The following TMEM132C variants were observed in gnomAD, a reference collection of about 807,000 sequenced individuals.
The protein encoded by TMEM132C is transmembrane protein 132C, also known as protein phosphatase 1, regulatory subunit 152.
Under a neutral mutation model 61.4 loss-of-function variants are expected in TMEM132C, and 29 were observed. The ratio of observed to expected loss-of-function variants is 0.47; its 90% CI spans 0.35 to 0.64. TMEM132C has a LOEUF of 0.64. Ranked by LOEUF, TMEM132C falls within the 30% of genes least tolerant of loss-of-function variation. The pLI is 0.00. For synonymous variants in TMEM132C, 656 were observed against 633.1 expected, an observed-to-expected ratio of 1.04 and a Z score of -0.54; for missense variants, 1,408 against 1,476.9, an observed-to-expected ratio of 0.95 and a Z score of 0.76.
intron 3 of TMEM132C, among the ~76,000 whole-genome samples, chr12:128,561,358 T>C (rs1037251976): frequency 6.6e-6 from 1 of 152,204 alleles, no homozygotes; most frequent in African/African-American, 2.4e-5. Flanking sequence ...ATCAGAGACT[T>C]GCAGGGAGCA....
At chr12:128,537,567 G>A (rs1873577554) in intron 2 of TMEM132C, among the ~76,000 whole-genome samples, 1 of 152,168 alleles carries the variant, frequency 6.6e-6, no homozygotes, top group Admixed American at 6.6e-5. Flanking sequence ...GAGTTTATTG[G>A]CAGAAACCTG....
At chr12:128,651,987 A>G (rs1954275579) in intron 4 of TMEM132C, among the ~76,000 whole-genome samples, 1 of 152,130 alleles carries the variant, frequency 6.6e-6, no homozygotes, top group Non-Finnish European at 1.5e-5. Context: ...AAGGGTTTTT[A>G]ACTCTATTTT....
intron 1 of TMEM132C, among the ~76,000 whole-genome samples, chr12:128,285,449 A>G (rs1407980844): frequency 6.6e-6 from 1 of 152,218 alleles, no homozygotes; most frequent in East Asian, 1.9e-4. Flanking sequence ...AAAAGATTAA[A>G]GAGCTTAATG....
At chr12:128,443,414 A>G (rs1307618552) in intron 2 of TMEM132C, among the ~76,000 whole-genome samples, 2 of 152,228 alleles carry the variant, frequency 1.3e-5, no homozygotes, top group Admixed American at 6.5e-5. Flanking sequence ...CCCAAAAGCT[A>G]CAGAAATAAA....
intron 2 of TMEM132C, among the ~76,000 whole-genome samples, chr12:128,458,491 A>C (rs1870423510): frequency 6.6e-6 from 1 of 151,866 alleles, no homozygotes; most frequent in Admixed American, 6.6e-5. Flanking sequence ...GGTGCTGGGG[A>C]CGCAGGATTC....
At position 128,388,878 on chromosome 12, in the gene TMEM132C, G is replaced by A. The variant is rs192510946; in HGVS notation, c.86-25854G>A. On this transcript the variant is annotated intron_variant, in intron 1 of 8. Coordinates refer to ENST00000435159, the MANE Select transcript of TMEM132C (RefSeq NM_001136103.3). ...TCTTAACAGAGTGTTGGTTTCACAC[G>A]TAGCTTGAGGAAAACAGTGGCAGCT... is the stretch of plus-strand genomic sequence containing the variant. 3.0e-3 allele frequency among the ~76,000 whole-genome samples: 454 copies of A among 152,326 alleles called. 2 individuals are homozygous for A. The highest frequency in any genetic ancestry group is 0.01 in the African/African-American group (436 of 41,580).
intron 1 of TMEM132C, among the ~76,000 whole-genome samples, chr12:128,306,703 C>A (rs1871796762): frequency 6.6e-6 from 1 of 152,098 alleles, no homozygotes; most frequent in Admixed American, 6.5e-5. Context: ...AAGGAAGAGA[C>A]CTTTGTCCAC....
At chr12:128,583,923 G>A (rs1875443342) in intron 3 of TMEM132C, among the ~76,000 whole-genome samples, 1 of 152,206 alleles carries the variant, frequency 6.6e-6, no homozygotes, top group South Asian at 2.1e-4. Context: ...GGCTCTGTGG[G>A]GCTCTTGGAG....
At chr12:128,640,945 A>G (rs1443698896) in intron 4 of TMEM132C, among the ~76,000 whole-genome samples, 1 of 152,204 alleles carries the variant, frequency 6.6e-6, no homozygotes, top group African/African-American at 2.4e-5. Context: ...TTGTATCTCA[A>G]TAAAACTGTT....
intron 1 of TMEM132C, among the ~76,000 whole-genome samples, chr12:128,387,710 C>T (rs1036805218): frequency 6.6e-6 from 1 of 151,904 alleles, no homozygotes; most frequent in Non-Finnish European, 1.5e-5. Context: ...CTGTGGAGGC[C>T]GAGGCAGGAG....
chr12:128,615,695 C>T (rs535633951), intron 3 of TMEM132C, among the ~76,000 whole-genome samples: 2 of 152,220 alleles, frequency 1.3e-5, no homozygotes, highest in South Asian at 2.1e-4. Context: ...CTCACTTACC[C>T]GCCACTCACC....
chr12:128,585,567 G>T (rs1243152086), intron 3 of TMEM132C, among the ~76,000 whole-genome samples: 2 of 152,258 alleles, frequency 1.3e-5, no homozygotes, highest in African/African-American at 4.8e-5. Flanking sequence ...GGAATGGTCA[G>T]ATAAGTTCTG....
At chr12:128,348,456 C>T (rs1873240203) in intron 1 of TMEM132C, among the ~76,000 whole-genome samples, 1 of 152,160 alleles carries the variant, frequency 6.6e-6, no homozygotes, top group African/African-American at 2.4e-5. Flanking sequence ...CTAGAAACTC[C>T]AGTACAACAT....
At chr12:128,686,799 T>C (rs1450078972) in intron 5 of TMEM132C, among the ~76,000 whole-genome samples, 1 of 152,064 alleles carries the variant, frequency 6.6e-6, no homozygotes, top group Non-Finnish European at 1.5e-5. Flanking sequence ...GGAGGACACA[T>C]AAAGCGAGCA....
chr12:128,406,329 C>T (rs536088018), intron 1 of TMEM132C, among the ~76,000 whole-genome samples: 1 of 152,172 alleles, frequency 6.6e-6, no homozygotes, highest in Non-Finnish European at 1.5e-5. Context: ...TTGAATGAGT[C>T]GTCACTGAGT....
intron 2 of TMEM132C, among the ~76,000 whole-genome samples, chr12:128,418,771 T>A (rs891938719): frequency 1.2e-4 from 18 of 152,236 alleles, no homozygotes; most frequent in African/African-American, 4.1e-4. Flanking sequence ...TTCCAGCTTA[T>A]CTGTGTGACT....
At chr12:128,599,208 C>G (rs957108672) in intron 3 of TMEM132C, among the ~76,000 whole-genome samples, 1 of 152,140 alleles carries the variant, frequency 6.6e-6, no homozygotes, top group African/African-American at 2.4e-5. Context: ...GTCCCTTGAC[C>G]CTGAAGGTGG....
chr12:128,505,488 C>T (rs188140049), intron 2 of TMEM132C, among the ~76,000 whole-genome samples: 70 of 152,126 alleles, frequency 4.6e-4, no homozygotes, highest in Admixed American at 1.2e-3. Flanking sequence ...CAAGTTCTTC[C>T]GGGATGAAAT....
At chr12:128,589,558 A>G (rs1158690774) in intron 3 of TMEM132C, among the ~76,000 whole-genome samples, 2 of 127,570 alleles carry the variant, frequency 1.6e-5, no homozygotes, top group African/African-American at 6.0e-5. Flanking sequence ...TAGCGTCGTG[A>G]CGCATCGTAT....
Sources: allele counts gnomAD v4.1 joint callset (sites outside exome capture counted in the v4.1 genomes callset), GRCh38; gene constraint gnomAD v4.1.1; transcripts MANE v1.5; gene names NCBI Gene and HGNC (gene_info 2026-07-23, HGNC 2026-07-21).